SLC26A7: variants seen among roughly 807,000 people sequenced by gnomAD.
SLC26A7 encodes the protein anion exchange transporter.
SLC26A7 carries 59 observed loss-of-function variants against 82.5 expected under a neutral mutation model. That is an observed-to-expected ratio of 0.72 (90% confidence interval 0.58 to 0.89). SLC26A7 has a LOEUF of 0.89. Ranked by LOEUF, SLC26A7 falls within the 40% of genes least tolerant of loss-of-function variation. The probability of loss-of-function intolerance (pLI) is 0.00; values close to 1 mark genes in which losing one functional copy is unlikely to be tolerated. For synonymous variants in SLC26A7, 271 were observed against 274.3 expected (o/e 0.99, Z 0.12); for missense variants, 820 against 793.0 (o/e 1.03, Z -0.41).
At chr8:91,235,328 A>G (rs1308622504) in intron 2 of SLC26A7, among the ~76,000 whole-genome samples, 1 of 152,212 alleles carries the variant, frequency 6.6e-6, no homozygotes, top group Non-Finnish European at 1.5e-5. Flanking sequence ...AAGGAGAACT[A>G]GAGGAGATGG....
At chr8:91,347,130 C>G (rs1371426879) in intron 9 of SLC26A7, among the ~76,000 whole-genome samples, 1 of 152,098 alleles carries the variant, frequency 6.6e-6, no homozygotes, top group African/African-American at 2.4e-5. Context: ...GTAACTACTA[C>G]AGAAAAGAAT....
chr8:91,209,729 TTAG>T (rs1485420529), intron 1 of SLC26A7, among the ~76,000 whole-genome samples: 4 of 152,104 alleles, frequency 2.6e-5, no homozygotes, highest in East Asian at 1.9e-4. Context: ...CTTTAAAAAA[TTAG>T]TAGAATTTTT....
chr8:91,238,205 C>G (rs913357437), intron 2 of SLC26A7, among the ~76,000 whole-genome samples: 1 of 152,032 alleles, frequency 6.6e-6, no homozygotes, highest in Non-Finnish European at 1.5e-5. Context: ...CATTATATTC[C>G]TTTTTTATTT....
chr8:91,276,350 T>C (rs1438568957), intron 2 of SLC26A7, among the ~76,000 whole-genome samples: 1 of 152,236 alleles, frequency 6.6e-6, no homozygotes, highest in Non-Finnish European at 1.5e-5. Flanking sequence ...TATATTATTT[T>C]ATTATTACTA....
intron 9 of SLC26A7, chr8:91,348,284 A>G (rs1290830346): frequency 2.0e-6 from 2 of 978,782 alleles, no homozygotes; most frequent in Non-Finnish European, 2.4e-6. Context: ...TTGCCATTTC[A>G]CTACTTTCCA....
At chr8:91,365,115 A>G (rs1463357104) in intron 13 of SLC26A7, among the ~76,000 whole-genome samples, 1 of 152,184 alleles carries the variant, frequency 6.6e-6, no homozygotes, top group African/African-American at 2.4e-5. Flanking sequence ...AACCCCACTG[A>G]TAATTTCTTT....
intron 11 of SLC26A7, among the ~76,000 whole-genome samples, chr8:91,358,293 A>T (rs1269076224): frequency 6.6e-6 from 1 of 151,904 alleles, no homozygotes; most frequent in Non-Finnish European, 1.5e-5. Flanking sequence ...TCATGCTGCT[A>T]TAAAGACACA....
chr8:91,344,916 C>T (rs1036122255), intron 9 of SLC26A7, among the ~76,000 whole-genome samples: 3 of 151,844 alleles, frequency 2.0e-5, no homozygotes, highest in African/African-American at 7.3e-5. Flanking sequence ...TCTGTAAAAT[C>T]CTAGGATCCT....
intron 15 of SLC26A7, among the ~76,000 whole-genome samples, chr8:91,371,180 T>C (rs1034275477): frequency 6.6e-6 from 1 of 151,908 alleles, no homozygotes; most frequent in Non-Finnish European, 1.5e-5. Flanking sequence ...TTTGAAGAAA[T>C]AGGTTGATGC....
intron 4 of SLC26A7, among the ~76,000 whole-genome samples, chr8:91,313,589 C>A (rs1202965223): frequency 6.6e-6 from 1 of 152,158 alleles, no homozygotes; most frequent in Non-Finnish European, 1.5e-5. Context: ...TCAGGCCCCA[C>A]CCAAACAGCT....
intron 2 of SLC26A7, among the ~76,000 whole-genome samples, chr8:91,282,763 T>G (rs1290771137): frequency 6.6e-6 from 1 of 152,238 alleles, no homozygotes; most frequent in Non-Finnish European, 1.5e-5. Context: ...TTTCATCACC[T>G]GGCACTTTGT....
chr8:91,365,579 CTTGAG>C (rs1440143311), intron 13 of SLC26A7, among the ~76,000 whole-genome samples: 3 of 152,100 alleles, frequency 2.0e-5, no homozygotes, highest in Non-Finnish European at 4.4e-5. Context: ...TGTTTGTTTT[CTTGAG>C]TTATTTGTTG....
Position 91,343,441 on chromosome 8 carries a change from T to C in SLC26A7, c.1115T>C (p.Leu372Pro). ...GCTGCCATGGGAAGGACGGCTGGCC[T>C]GTACAGCACAGGAGCGAAGACACAG... is the stretch of plus-strand genomic sequence containing the variant. Reference protein sequence around the residue: ...SAAAMGRTAGLYSTGAKTQVA... With the variant: ...SAAAMGRTAGPYSTGAKTQVA... Residue 372 changes from leucine (L) to proline (P), a missense_variant, in exon 9 of 19, where the codon CTG becomes CCG. By Grantham distance (98) the Leu-to-Pro change is moderately conservative. Transcript: ENST00000276609. 6.2e-7 allele frequency: 1 copy of C among 1,612,418 alleles called. No homozygotes were observed. The highest frequency in any genetic ancestry group is 2.2e-5 in the East Asian group (1 of 44,838).
intron 8 of SLC26A7, among the ~76,000 whole-genome samples, chr8:91,341,077 G>A (rs1018004651): frequency 1.3e-5 from 2 of 151,388 alleles, no homozygotes; most frequent in Middle Eastern, 3.2e-3. Context: ...ATGCTGGTGC[G>A]CTACACCCAC....
intron 2 of SLC26A7, among the ~76,000 whole-genome samples, chr8:91,253,572 C>A (rs1475054356): frequency 6.6e-6 from 1 of 152,048 alleles, no homozygotes; most frequent in Non-Finnish European, 1.5e-5. Context: ...CCTATATTTT[C>A]TCTAGAGTAA....
chr8:91,391,009 C>T lies in SLC26A7; in HGVS notation c.1776+1571C>T, dbSNP rs567057209. 2.6e-5 allele frequency among the ~76,000 whole-genome samples: 4 copies of T among 152,314 alleles called. No individual in the cohort carries two copies. In the South Asian group the frequency reaches 8.3e-4, roughly 32 times the overall value. ...GCATGGTCAGAAAGTGGAAACCAGA[C>T]ATTGACTTTTAAAGGATTCAGATCA... On this transcript the variant is annotated intron_variant, in intron 16 of 18. Coordinates refer to ENST00000276609, the MANE Select transcript of SLC26A7 (RefSeq NM_052832.4).
rs538423060 is a variant in SLC26A7, at chr8:91,243,760, C to A, written c.-33-5859C>A. Among the ~76,000 whole-genome samples the A allele has an allele frequency of 3.9e-5, 6 of 152,204 alleles. No homozygotes were observed. In the East Asian group the frequency reaches 1.2e-3, roughly 29 times the overall value. ...AAAAAAAAATCTCACAATCCACAAACAAAGAAGCAGCAAGACGGTAGATTT... is the reference window on the plus strand; with the variant it reads ...AAAAAAAAATCTCACAATCCACAAAAAAAGAAGCAGCAAGACGGTAGATTT... On this transcript the variant is annotated intron_variant, in intron 2 of 5. Transcript: ENST00000522862.
intron 1 of SLC26A7, among the ~76,000 whole-genome samples, chr8:91,215,876 A>G (rs1448770005): frequency 6.6e-6 from 1 of 152,210 alleles, no homozygotes; most frequent in Admixed American, 6.6e-5. Context: ...AAATGGACAT[A>G]TGTCGTACCA....
chr8:91,312,614 A>AT lies in SLC26A7; in HGVS notation c.478-5598dup, dbSNP rs367763649. Among the ~76,000 whole-genome samples, 328 of 144,348 alleles carry AT rather than the reference A, an allele frequency of 2.3e-3. 1 individual carries two copies. The highest frequency in any genetic ancestry group is 8.2e-3 in the African/African-American group (318 of 38,702). 94.7% of individuals were successfully genotyped at this position (144,348 alleles called of 152,430 possible). A position where few individuals can be genotyped will look rare whatever the true frequency, so the allele number is the denominator to read the frequency against. On this transcript the variant is annotated intron_variant, in intron 4 of 18. Transcript: ENST00000276609. ...TTCCTACATATGCTTGCCAAAACTTATTTTCTGTGTGTGTATGTAGGTGTG... is the reference window on the plus strand; with the variant it reads ...TTCCTACATATGCTTGCCAAAACTTATTTTTCTGTGTGTGTATGTAGGTGTG...
Sources: allele counts gnomAD v4.1 joint callset (sites outside exome capture counted in the v4.1 genomes callset), GRCh38; gene constraint gnomAD v4.1.1; transcripts MANE v1.5; gene names NCBI Gene and HGNC (gene_info 2026-07-23, HGNC 2026-07-21).